The following NDUFS4 variants were observed in gnomAD, a reference collection of about 807,000 sequenced individuals.
NDUFS4 encodes the protein NADH:ubiquinone oxidoreductase subunit S4, also known as NADH dehydrogenase [ubiquinone] iron-sulfur protein 4, mitochondrial.
NDUFS4 carries 28 observed loss-of-function variants against 24.3 expected under a neutral mutation model. The observed-to-expected ratio is 1.15, with a 90% CI of 0.85 to 1.58. The LOEUF (loss-of-function observed/expected upper bound fraction) is 1.58, where lower values mean the gene tolerates loss of function less well. Ranked by LOEUF, NDUFS4 falls within the 40% of genes most tolerant of loss-of-function variation. The pLI, the probability that NDUFS4 is intolerant of heterozygous loss-of-function variation, is 0.00. For missense variants in NDUFS4, 223 were observed against 207.9 expected (o/e 1.07, Z -0.45); for synonymous variants, 93 against 69.7 (o/e 1.34, Z -1.67).
chr5:53,562,956 G>A lies in NDUFS4; in HGVS notation c.98+2196G>A, dbSNP rs981409284. ...AACTGAAGGAAAGGAAGGGCCGGGCGCGGTGGCTCACACCTGTAATCCCAG... is the reference window on the plus strand; with the variant it reads ...AACTGAAGGAAAGGAAGGGCCGGGCACGGTGGCTCACACCTGTAATCCCAG... On this transcript the variant is annotated intron_variant, in intron 1 of 4. Coordinates refer to ENST00000296684, the MANE Select transcript of NDUFS4 (RefSeq NM_002495.4). Among the ~76,000 whole-genome samples, 7 of 152,242 alleles carry A rather than the reference G, an allele frequency of 4.6e-5. No homozygotes were observed. The South Asian group carries it at 8.3e-4, about 18-fold the overall frequency.
At chr5:53,614,010 CAT>C (rs1313833618) in intron 2 of NDUFS4, among the ~76,000 whole-genome samples, 21 of 151,866 alleles carry the variant, frequency 1.4e-4, no homozygotes, top group Non-Finnish European at 2.8e-4. Flanking sequence ...TGTCTCATGA[CAT>C]GTATCTATAA....
intron 3 of NDUFS4, among the ~76,000 whole-genome samples, chr5:53,654,587 G>A (rs1752111789): frequency 6.6e-6 from 1 of 152,002 alleles, no homozygotes; most frequent in African/African-American, 2.4e-5. Context: ...ATGACCACCT[G>A]ATATTTCTGA....
intron 4 of NDUFS4, among the ~76,000 whole-genome samples, chr5:53,668,195 T>C (rs1752571004): frequency 6.6e-6 from 1 of 152,220 alleles, no homozygotes; most frequent in Admixed American, 6.5e-5. Flanking sequence ...TTGACAGTTA[T>C]TTGATTTGTA....
At chr5:53,646,202 A>G (rs1176124709) in intron 2 of NDUFS4, 31 bp from the exon 3 acceptor site, 3 of 1,547,732 alleles carry the variant, frequency 1.9e-6, no homozygotes, top group African/African-American at 1.4e-5. Context: ...AGGCTGTTTG[A>G]AACGTGTTTT....
chr5:53,621,728 G>A (rs1345893572), intron 2 of NDUFS4, among the ~76,000 whole-genome samples: 2 of 102,584 alleles, frequency 1.9e-5, no homozygotes, highest in African/African-American at 3.8e-5. Context: ...TTGAGACGGA[G>A]TTTCGCTCTG....
intron 3 of NDUFS4, among the ~76,000 whole-genome samples, chr5:53,654,932 C>A (rs1179293782): frequency 6.6e-6 from 1 of 152,158 alleles, no homozygotes; most frequent in Non-Finnish European, 1.5e-5. Flanking sequence ...AGTATCTTCA[C>A]AAAGTCTGTT....
At chr5:53,602,285 T>C (rs1750348869) in intron 1 of NDUFS4, among the ~76,000 whole-genome samples, 1 of 152,202 alleles carries the variant, frequency 6.6e-6, no homozygotes, top group Admixed American at 6.5e-5. Flanking sequence ...AACCAGGACA[T>C]GTATTTTAAC....
At chr5:53,652,646 A>G (rs1236955564) in intron 3 of NDUFS4, among the ~76,000 whole-genome samples, 1 of 152,122 alleles carries the variant, frequency 6.6e-6, no homozygotes, top group Non-Finnish European at 1.5e-5. Flanking sequence ...TTGTTTTTAG[A>G]TTTCTAAATT....
chr5:53,616,484 A>C (rs1750844518), intron 2 of NDUFS4, among the ~76,000 whole-genome samples: 1 of 152,144 alleles, frequency 6.6e-6, no homozygotes, highest in Admixed American at 6.6e-5. Flanking sequence ...TGTGTGAATT[A>C]AGATCTGAAT....
intron 1 of NDUFS4, among the ~76,000 whole-genome samples, chr5:53,568,566 T>C (rs1470379252): frequency 6.6e-6 from 1 of 152,092 alleles, no homozygotes; most frequent in Admixed American, 6.5e-5. Flanking sequence ...AAAGTTTCCT[T>C]AGAGGGAAAA....
chr5:53,610,678 A>G (rs959999642), intron 2 of NDUFS4, among the ~76,000 whole-genome samples: 12 of 152,212 alleles, frequency 7.9e-5, no homozygotes, highest in African/African-American at 2.4e-4. Context: ...AGGAATCTCA[A>G]CATCAAAAAG....
rs1214966627 is a variant in NDUFS4, at chr5:53,598,829, CAG to C, written c.99-4621_99-4620del. Among the ~76,000 whole-genome samples, 4 of 152,156 alleles carry C rather than the reference CAG, an allele frequency of 2.6e-5. No homozygotes were observed. In the South Asian group the frequency reaches 6.2e-4, roughly 24 times the overall value. On this transcript the variant is annotated intron_variant, in intron 1 of 4. Coordinates refer to ENST00000296684, the MANE Select transcript of NDUFS4 (RefSeq NM_002495.4). ...CTTTCAGGAAACTTATACAGAAAAA[CAG>C]AATAAATGGCTTGTACGCTTATAAT...
At chr5:53,573,146 AT>A (rs558189152) in intron 1 of NDUFS4, among the ~76,000 whole-genome samples, 1 of 146,946 alleles carries the variant, frequency 6.8e-6, no homozygotes, top group Non-Finnish European at 1.5e-5. Context: ...TAATTTTTAT[AT>A]TTTTTTTGTA....
intron 2 of NDUFS4, among the ~76,000 whole-genome samples, chr5:53,625,146 C>T (rs1002226391): frequency 6.6e-6 from 1 of 151,950 alleles, no homozygotes; most frequent in African/African-American, 2.4e-5. Flanking sequence ...ATGGGGTTCG[C>T]CATGTTACCC....
intron 4 of NDUFS4, among the ~76,000 whole-genome samples, chr5:53,672,732 T>C (rs1192446768): frequency 3.9e-5 from 6 of 152,152 alleles, no homozygotes; most frequent in African/African-American, 1.4e-4. Flanking sequence ...GAGTGTTAAT[T>C]TGTCATATAT....
intron 1 of NDUFS4, among the ~76,000 whole-genome samples, chr5:53,602,990 T>C (rs1248893374): frequency 6.6e-6 from 1 of 152,216 alleles, no homozygotes; most frequent in East Asian, 1.9e-4. Flanking sequence ...ATACAAATCA[T>C]TCCTATGTAA....
At chr5:53,640,042 CA>C (rs1412110692) in intron 2 of NDUFS4, among the ~76,000 whole-genome samples, 1 of 151,826 alleles carries the variant, frequency 6.6e-6, no homozygotes, top group Non-Finnish European at 1.5e-5. Context: ...CCCCAGAGTC[CA>C]TCTAAGTGAA....
At chr5:53,662,780 C>T (rs936490475) in intron 4 of NDUFS4, among the ~76,000 whole-genome samples, 3 of 102,752 alleles carry the variant, frequency 2.9e-5, no homozygotes, top group Admixed American at 1.1e-4. Context: ...AATTTATTTG[C>T]ATAGAGGTGC....
intron 1 of NDUFS4, among the ~76,000 whole-genome samples, chr5:53,587,816 G>T (rs1432951269): frequency 6.6e-6 from 1 of 151,990 alleles, no homozygotes; most frequent in African/African-American, 2.4e-5. Flanking sequence ...TGGGCTCAAG[G>T]GATCCACCGG....
Sources: allele counts gnomAD v4.1 joint callset (sites outside exome capture counted in the v4.1 genomes callset), GRCh38; gene constraint gnomAD v4.1.1; transcripts MANE v1.5; gene names NCBI Gene and HGNC (gene_info 2026-07-23, HGNC 2026-07-21).